LYST: variants seen among roughly 807,000 people sequenced by gnomAD.
LYST encodes lysosomal trafficking regulator.
In LYST, 192 loss-of-function variants were observed where a neutral mutation model predicts 413.6. The ratio of observed to expected loss-of-function variants is 0.46; its 90% CI spans 0.41 to 0.52. The LOEUF is 0.52. Among genes scored for constraint, LYST ranks in the 20% least tolerant of loss-of-function variants. The pLI is 0.00. For synonymous variants in LYST, 1,525 were observed against 1,567.3 expected, an observed-to-expected ratio of 0.97 and a Z score of 0.64; for missense variants, 3,815 against 4,499.9, an observed-to-expected ratio of 0.85 and a Z score of 4.35.
At chr1:235,738,060 A>G in intron 31 of LYST, 3 of 1,590,910 alleles carry the variant, frequency 1.9e-6, no homozygotes, top group Non-Finnish European at 2.6e-6. Context: ...GATCCTCCAG[A>G]ATAAGATTAC....
At chr1:235,723,601 C>T (rs1447225609) in intron 39 of LYST, among the ~76,000 whole-genome samples, 1 of 152,136 alleles carries the variant, frequency 6.6e-6, no homozygotes, top group African/African-American at 2.4e-5. Context: ...TATGACATTA[C>T]GGGTTTAGCA....
intron 1 of LYST, among the ~76,000 whole-genome samples, chr1:235,848,067 C>G (rs572414672): frequency 6.6e-6 from 1 of 152,278 alleles, no homozygotes; most frequent in Non-Finnish European, 1.5e-5. Flanking sequence ...CATCCAACAA[C>G]TGCAGAATAT....
chr1:235,846,111 G>A (rs1325420369), intron 1 of LYST, among the ~76,000 whole-genome samples: 5 of 152,088 alleles, frequency 3.3e-5, no homozygotes, highest in Non-Finnish European at 5.9e-5. Context: ...GGACCCTCAC[G>A]GAGTCCACTG....
In LYST at chr1:235,687,059, G is replaced by A. The variant is rs1660272665; in HGVS notation, c.10702-12C>T. The A allele has an allele frequency of 6.4e-7, 1 of 1,556,570 alleles. No individual in the cohort carries two copies. Among genetic ancestry groups the A allele is most frequent in the Non-Finnish European group, 8.9e-7 (1 of 1,127,828 alleles). ...GCACAACTAGTCACCTTTGAAAAAG[G>A]ACCAATCAAAGATTATCATGTTTTA... On this transcript the variant is annotated splice_polypyrimidine_tract_variant and intron_variant, in intron 47 of 52. Transcript: ENST00000389793.
In LYST at chr1:235,773,866, G is replaced by C; in HGVS notation, c.5760C>G (p.Asp1920Glu). Residue 1920 changes from aspartate (D) to glutamate (E), a missense_variant, in exon 19 of 53, where the codon GAC becomes GAG. By Grantham distance (45) the Asp-to-Glu change is conservative. This residue lies in a region of LYST where 530 missense variants were observed against 696.5 expected (regional missense o/e 0.76). Coordinates refer to ENST00000389793, the MANE Select transcript of LYST (RefSeq NM_000081.4). Reference protein sequence around the residue: ...DVKLLEELLLDWKIWSKAEQG... With the variant: ...DVKLLEELLLEWKIWSKAEQG... ...CCTCTGCTTTACTCCATATCTTCCAGTCAAGCAATAGTTCCTCTAACAGCT... is the reference window on the plus strand; with the variant it reads ...CCTCTGCTTTACTCCATATCTTCCACTCAAGCAATAGTTCCTCTAACAGCT... 6.2e-7 allele frequency: 1 copy of C among 1,612,680 alleles called. No homozygotes were observed. The highest frequency in any genetic ancestry group is 8.5e-7 in the Non-Finnish European group (1 of 1,178,918).
intron 38 of LYST, among the ~76,000 whole-genome samples, chr1:235,725,713 G>GC (rs1200128388): frequency 3.3e-5 from 5 of 152,118 alleles, no homozygotes; most frequent in Non-Finnish European, 7.4e-5. Flanking sequence ...TGCAAATAAA[G>GC]CCCCACTCAC....
upstream of LYST, among the ~76,000 whole-genome samples, chr1:235,867,930 C>A (rs1292893740): frequency 1.3e-5 from 2 of 152,216 alleles, no homozygotes; most frequent in Non-Finnish European, 2.9e-5. Flanking sequence ...AGAAATAATT[C>A]AGGATATTAT....
rs1328130006 is a variant in LYST at position 235,733,489 on chromosome 1, C to A, written c.8801+14G>T. 4.3e-6 allele frequency: 7 copies of A among 1,611,448 alleles called. No homozygotes were observed. Among genetic ancestry groups the A allele is most frequent in the African/African-American group, 1.3e-5 (1 of 74,824 alleles). On this transcript the variant is annotated intron_variant, in intron 34 of 52. Coordinates refer to ENST00000389793, the MANE Select transcript of LYST (RefSeq NM_000081.4). Reference sequence around the variant, plus strand: ...TTCATGGAAGACAATTTTAACTGACCTCCCGCAGCTTACCTATCATGTGTC... The same window carrying A: ...TTCATGGAAGACAATTTTAACTGACATCCCGCAGCTTACCTATCATGTGTC...
intron 25 of LYST, among the ~76,000 whole-genome samples, chr1:235,754,229 CTTTTTTTTTT>C (rs71576486): frequency 5.8e-5 from 5 of 86,552 alleles, no homozygotes; most frequent in African/African-American, 1.1e-4. Context: ...CTTTTCTTTT[CTTTTTTTTTT>C]TTTTTTTTTT....
chr1:235,858,126 G>T (rs186183703), intron 1 of LYST, among the ~76,000 whole-genome samples: 2 of 152,168 alleles, frequency 1.3e-5, no homozygotes, highest in East Asian at 3.9e-4. Flanking sequence ...AATGCTCTTT[G>T]CCTTCTTCTT....
chr1:235,677,214 T>C, intron 49 of LYST, 26 bp from the exon 50 acceptor site: 3 of 1,474,960 alleles, frequency 2.0e-6, no homozygotes, highest in Non-Finnish European at 2.8e-6. Context: ...CATGAATTTG[T>C]ATATGATCAT....
chr1:235,745,379 A>G (rs1168510232), intron 29 of LYST, among the ~76,000 whole-genome samples: 1 of 152,214 alleles, frequency 6.6e-6, no homozygotes, highest in East Asian at 1.9e-4. Context: ...AGATATCACT[A>G]CACATCTGTC....
At chr1:235,820,679 ATT>A (rs1160590447) in intron 3 of LYST, among the ~76,000 whole-genome samples, 1 of 152,142 alleles carries the variant, frequency 6.6e-6, no homozygotes, top group African/African-American at 2.4e-5. Flanking sequence ...CCTAATAGGT[ATT>A]TCTGATATTA....
chr1:235,672,212 T>C (rs1658997466), intron 50 of LYST, among the ~76,000 whole-genome samples: 1 of 152,164 alleles, frequency 6.6e-6, no homozygotes, highest in African/African-American at 2.4e-5. Context: ...CAATTAGATA[T>C]CCAAGTCTGG....
In LYST at chr1:235,849,226, T is replaced by TAA. The variant is rs145489492; in HGVS notation, c.-97-15561_-97-15560dup. 1.9e-3 allele frequency among the ~76,000 whole-genome samples: 284 copies of TAA among 152,242 alleles called. 1 individual carries two copies. The Middle Eastern group carries it at 0.02, about 11-fold the overall frequency. ...GGATGGTTTAACATACGTAAGTCAA[T>TAA]AAATGTGATACACCACATAAACAGG... On this transcript the variant is annotated intron_variant, in intron 1 of 52. Transcript: ENST00000389793.
At chr1:235,847,669 T>C (rs2103080537) in intron 1 of LYST, among the ~76,000 whole-genome samples, 1 of 152,184 alleles carries the variant, frequency 6.6e-6, no homozygotes. Context: ...ACCTAACACA[T>C]AAGCACTCAC....
At chr1:235,790,518 C>A (rs1434683923) in intron 12 of LYST, among the ~76,000 whole-genome samples, 1 of 152,142 alleles carries the variant, frequency 6.6e-6, no homozygotes, top group Admixed American at 6.5e-5. Flanking sequence ...TGGCAAAATT[C>A]AATCCACAAC....
intron 25 of LYST, among the ~76,000 whole-genome samples, chr1:235,754,504 C>T (rs1666819245): frequency 6.6e-6 from 1 of 151,766 alleles, no homozygotes. Context: ...GGAGTACAGG[C>T]TTGAGCCACC....
intron 1 of LYST, among the ~76,000 whole-genome samples, chr1:235,835,868 T>C (rs1036964930): frequency 6.6e-6 from 1 of 152,234 alleles, no homozygotes; most frequent in African/African-American, 2.4e-5. Context: ...CCCTGTCTTA[T>C]TACTTTTTAC....
Sources: gnomAD v4.1 joint callset for allele counts (sites outside exome capture counted in the v4.1 genomes callset) on GRCh38, gnomAD v4.1.1 for gene constraint, gnomAD v4.1.1 regional missense constraint, MANE v1.5 for transcripts, NCBI Gene and HGNC (gene_info 2026-07-23, HGNC 2026-07-21) for gene names.